The following GALNT13 variants were observed in gnomAD, a reference collection of about 807,000 sequenced individuals.
The protein encoded by GALNT13 is polypeptide N-acetylgalactosaminyltransferase 13.
Under a neutral mutation model 64.2 loss-of-function variants are expected in GALNT13, and 28 were observed. The ratio of observed to expected loss-of-function variants is 0.44; its 90% CI spans 0.32 to 0.60. The LOEUF (loss-of-function observed/expected upper bound fraction) is 0.60. GALNT13 is among the 20% of genes least tolerant of loss of function. The pLI is 0.05. For synonymous variants in GALNT13, 214 were observed against 224.6 expected (o/e 0.95, Z 0.42); for missense variants, 577 against 669.8 (o/e 0.86, Z 1.53).
chr2:153,732,618 A>G, the GALNT13 span, among the ~76,000 whole-genome samples: 1 of 152,076 alleles, frequency 6.6e-6, no homozygotes, highest in Non-Finnish European at 1.5e-5. Flanking sequence ...TGTGTCTGTT[A>G]TACTATGCAT....
the GALNT13 span, among the ~76,000 whole-genome samples, chr2:153,464,362 C>G: frequency 6.6e-6 from 1 of 152,068 alleles, no homozygotes; most frequent in African/African-American, 2.4e-5. Flanking sequence ...AAGCATTTCT[C>G]TCTCTGATCA....
the GALNT13 span, among the ~76,000 whole-genome samples, chr2:153,440,824 G>GT: frequency 5.3e-5 from 8 of 151,742 alleles, no homozygotes; most frequent in Non-Finnish European, 1.0e-4. Context: ...TTGAATTTAA[G>GT]TTTTTTGTAT....
the GALNT13 span, among the ~76,000 whole-genome samples, chr2:153,070,004 G>A: frequency 6.6e-6 from 1 of 152,134 alleles, no homozygotes; most frequent in African/African-American, 2.4e-5. Flanking sequence ...AATTTTGTCA[G>A]CTAAGTATTT....
At chr2:154,113,880 G>T (rs1703127675) in intron 3 of GALNT13, among the ~76,000 whole-genome samples, 3 of 152,236 alleles carry the variant, frequency 2.0e-5, no homozygotes, top group Admixed American at 1.3e-4. Flanking sequence ...GACAGGAATG[G>T]AGAAGAATGC....
the GALNT13 span, among the ~76,000 whole-genome samples, chr2:153,257,407 C>T: frequency 6.6e-6 from 1 of 152,004 alleles, no homozygotes; most frequent in Non-Finnish European, 1.5e-5. Flanking sequence ...AGAAATCACC[C>T]GTCTTCTGCG....
chr2:153,103,508 T>C, the GALNT13 span, among the ~76,000 whole-genome samples: 2 of 152,210 alleles, frequency 1.3e-5, no homozygotes, highest in Non-Finnish European at 2.9e-5. Flanking sequence ...TCTCTAGTGG[T>C]GAAGAATATG....
chr2:153,775,383 T>A, the GALNT13 span, among the ~76,000 whole-genome samples: 1 of 152,136 alleles, frequency 6.6e-6, no homozygotes, highest in Non-Finnish European at 1.5e-5. Context: ...AGTTTTTCAA[T>A]ATATTGCCAG....
chr2:153,677,965 G>T, the GALNT13 span, among the ~76,000 whole-genome samples: 1 of 151,704 alleles, frequency 6.6e-6, no homozygotes, highest in Non-Finnish European at 1.5e-5. Flanking sequence ...CTGGACATAG[G>T]TCCCAGCAAA....
intron 4 of GALNT13, among the ~76,000 whole-genome samples, chr2:154,163,965 G>A (rs923119144): frequency 2.0e-5 from 3 of 152,072 alleles, no homozygotes; most frequent in South Asian, 2.1e-4. Context: ...TCTTCTAGCT[G>A]TAGGATTTCA....
At chr2:153,231,460 ATCTTAT>A in the GALNT13 span, among the ~76,000 whole-genome samples, 2 of 152,212 alleles carry the variant, frequency 1.3e-5, no homozygotes, top group Admixed American at 1.3e-4. Context: ...CTGCCTTTGC[ATCTTAT>A]TCTTAAGAGC....
At chr2:154,041,719 G>T (rs1351676653) in intron 3 of GALNT13, among the ~76,000 whole-genome samples, 1 of 140,522 alleles carries the variant, frequency 7.1e-6, no homozygotes, top group African/African-American at 2.4e-5. Flanking sequence ...AGTATAATTT[G>T]TATTTACTTT....
In GALNT13 at chr2:153,932,182, T is replaced by G. The variant is rs1261026615; in HGVS notation, c.-104-12212T>G. Reference sequence around the variant, plus strand: ...TGATTGTGTTTAATTTTCTCCCCCTTTTTATTATTCTAACTAGTGGTTTAT... The same window carrying G: ...TGATTGTGTTTAATTTTCTCCCCCTGTTTATTATTCTAACTAGTGGTTTAT... On this transcript the variant is annotated intron_variant, in intron 2 of 12. Coordinates refer to ENST00000392825, the MANE Select transcript of GALNT13 (RefSeq NM_052917.4). 3.3e-5 allele frequency among the ~76,000 whole-genome samples: 5 copies of G among 152,100 alleles called. No individual in the cohort carries two copies. In the East Asian group the frequency reaches 9.6e-4, roughly 29 times the overall value.
the GALNT13 span, among the ~76,000 whole-genome samples, chr2:153,453,429 A>G: frequency 9.9e-5 from 15 of 152,264 alleles, no homozygotes; most frequent in African/African-American, 3.4e-4. Context: ...ACAATAAACA[A>G]TATATAACCC....
intron 9 of GALNT13, among the ~76,000 whole-genome samples, chr2:154,340,512 G>T (rs1371850594): frequency 6.6e-6 from 1 of 151,814 alleles, no homozygotes; most frequent in Non-Finnish European, 1.5e-5. Context: ...ATGTTTTTTT[G>T]ATTCATTTCT....
the GALNT13 span, among the ~76,000 whole-genome samples, chr2:153,175,281 T>C: frequency 6.6e-6 from 1 of 152,138 alleles, no homozygotes; most frequent in Non-Finnish European, 1.5e-5. Flanking sequence ...GTAGGGGAGA[T>C]TAAAACAAAT....
At chr2:154,172,006 A>AC in intron 4 of GALNT13, among the ~76,000 whole-genome samples, 2 of 149,760 alleles carry the variant, frequency 1.3e-5, no homozygotes, top group African/African-American at 4.9e-5. Context: ...ACACACACAC[A>AC]ATGCTAAGCC....
chr2:153,971,102 C>T (rs1693707456), intron 3 of GALNT13, among the ~76,000 whole-genome samples: 1 of 152,112 alleles, frequency 6.6e-6, no homozygotes, highest in Non-Finnish European at 1.5e-5. Context: ...TATATTTCTA[C>T]CTCAGTACCT....
the GALNT13 span, among the ~76,000 whole-genome samples, chr2:153,827,381 C>T: frequency 4.7e-3 from 708 of 152,070 alleles, 11 homozygotes; most frequent in East Asian, 0.02. Context: ...CCCAGCACTT[C>T]GGGAGGCCGA....
intron 4 of GALNT13, among the ~76,000 whole-genome samples, chr2:154,164,833 G>A (rs565823022): frequency 6.6e-6 from 1 of 151,944 alleles, no homozygotes; most frequent in Non-Finnish European, 1.5e-5. Flanking sequence ...AATCGACCAG[G>A]TTTATAAAAA....
Sources: gnomAD v4.1 joint callset for allele counts (sites outside exome capture counted in the v4.1 genomes callset) on GRCh38, gnomAD v4.1.1 for gene constraint, MANE v1.5 for transcripts, NCBI Gene and HGNC (gene_info 2026-07-23, HGNC 2026-07-21) for gene names.